The following SDK1 variants were observed in gnomAD, a reference collection of about 807,000 sequenced individuals.
SDK1 encodes the protein protein sidekick-1.
SDK1 carries 157 observed loss-of-function variants against 245.5 expected under a neutral mutation model. The observed-to-expected ratio is 0.64, with a 90% CI of 0.56 to 0.73. SDK1 has a LOEUF of 0.73. SDK1 is among the 30% of genes least tolerant of loss of function. The pLI, the probability that SDK1 is intolerant of heterozygous loss-of-function variation, is 0.00. For missense variants in SDK1, 3,583 were observed against 3,002.3 expected (o/e 1.19, Z -4.52); for synonymous variants, 1,647 against 1,278.5 (o/e 1.29, Z -6.15).
chr7:3,501,641 C>A (rs28544580), intron 1 of SDK1, among the ~76,000 whole-genome samples: 46,258 of 151,978 alleles, frequency 0.3, 7,645 homozygotes, highest in South Asian at 0.43. Flanking sequence ...TTCATTTGAT[C>A]CACTGTGTGT....
At chr7:3,987,724 A>C (rs1384964494) in intron 14 of SDK1, among the ~76,000 whole-genome samples, 2 of 151,620 alleles carry the variant, frequency 1.3e-5, no homozygotes, top group South Asian at 4.2e-4. Context: ...CGTGGTGTCA[A>C]GTGTTCAGCA....
chr7:4,037,992 T>C (rs1393962175), intron 17 of SDK1, among the ~76,000 whole-genome samples: 3 of 152,366 alleles, frequency 2.0e-5, no homozygotes, highest in African/African-American at 7.2e-5. Flanking sequence ...GATACTGTAG[T>C]GCTGCCACCC....
intron 35 of SDK1, among the ~76,000 whole-genome samples, chr7:4,188,653 T>G (rs965518096): frequency 2.0e-5 from 3 of 152,030 alleles, no homozygotes; most frequent in Non-Finnish European, 4.4e-5. Context: ...TTTCATGGTT[T>G]TATGTTTTCC....
At chr7:3,533,619 C>A (rs942650250) in intron 1 of SDK1, among the ~76,000 whole-genome samples, 7 of 152,112 alleles carry the variant, frequency 4.6e-5, no homozygotes, top group African/African-American at 1.4e-4. Flanking sequence ...TTTAGAAATT[C>A]ATGTTCTGAG....
At position 4,204,935 on chromosome 7, in the gene SDK1, G is replaced by A. The variant is rs138630108; in HGVS notation, c.5099-944G>A. 3.0e-3 allele frequency among the ~76,000 whole-genome samples: 252 copies of A among 83,668 alleles called. 1 individual carries two copies. Among genetic ancestry groups the A allele is most frequent in the African/African-American group, 0.016 (242 of 14,696 alleles). 54.9% of individuals were successfully genotyped at this position (83,668 alleles called of 152,430 possible). A position where few individuals can be genotyped will look rare whatever the true frequency, so the allele number is the denominator to read the frequency against. ...GAGGCGTTCTGGAACGCAGGCGTGT[G>A]CTCCCAACTGCCTAAATGGCTGTGT... is the stretch of plus-strand genomic sequence containing the variant. On this transcript the variant is annotated intron_variant, in intron 35 of 44. Transcript: ENST00000404826.
chr7:4,065,968 A>AT (rs1452942980), intron 19 of SDK1, among the ~76,000 whole-genome samples: 1 of 151,982 alleles, frequency 6.6e-6, no homozygotes, highest in East Asian at 1.9e-4. Flanking sequence ...AAAGACTTGC[A>AT]TTTTTTATTA....
At chr7:3,907,883 G>T (rs981253794) in intron 5 of SDK1, among the ~76,000 whole-genome samples, 4 of 152,140 alleles carry the variant, frequency 2.6e-5, no homozygotes, top group African/African-American at 9.7e-5. Context: ...GAGTTTCAGT[G>T]GAACTAGAAT....
At chr7:4,024,164 A>G (rs1303777037) in intron 17 of SDK1, among the ~76,000 whole-genome samples, 3 of 152,248 alleles carry the variant, frequency 2.0e-5, no homozygotes, top group East Asian at 3.8e-4. Flanking sequence ...AAAGAGAAAT[A>G]TTTCATATTT....
intron 25 of SDK1, among the ~76,000 whole-genome samples, chr7:4,122,202 C>A (rs1447488862): frequency 1.3e-5 from 2 of 152,214 alleles, no homozygotes; most frequent in Non-Finnish European, 2.9e-5. Flanking sequence ...CTCCCCACCT[C>A]TGACTGGCAA....
At chr7:4,178,717 T>C in intron 35 of SDK1, 131 bp downstream of exon 35, 1 of 655,246 alleles carries the variant, frequency 1.5e-6, no homozygotes, top group Non-Finnish European at 2.7e-6. Context: ...CTGTCGGGGC[T>C]GAGGTCTCCA....
At chr7:3,481,587 A>C (rs1038697736) in intron 1 of SDK1, among the ~76,000 whole-genome samples, 2 of 152,144 alleles carry the variant, frequency 1.3e-5, no homozygotes, top group Non-Finnish European at 2.9e-5. Flanking sequence ...CTGACCCTTG[A>C]ACCACCCTTC....
At chr7:3,939,129 C>G (rs978354798) in intron 5 of SDK1, among the ~76,000 whole-genome samples, 2 of 152,144 alleles carry the variant, frequency 1.3e-5, no homozygotes, top group Non-Finnish European at 2.9e-5. Flanking sequence ...GGGCAGGAAA[C>G]GAGAAGAACC....
At chr7:3,546,147 G>A (rs1779218668) in intron 1 of SDK1, among the ~76,000 whole-genome samples, 1 of 152,328 alleles carries the variant, frequency 6.6e-6, no homozygotes, top group East Asian at 1.9e-4. Flanking sequence ...CCCAGAGTGT[G>A]CATTTCAGGT....
intron 44 of SDK1, among the ~76,000 whole-genome samples, chr7:4,248,451 G>GCA (rs35934805): frequency 0.22 from 32,775 of 149,806 alleles, 3,849 homozygotes; most frequent in Non-Finnish European, 0.26. Flanking sequence ...CTGAATACAT[G>GCA]CACACATGCA....
At chr7:3,534,798 T>C (rs1479113511) in intron 1 of SDK1, among the ~76,000 whole-genome samples, 2 of 152,216 alleles carry the variant, frequency 1.3e-5, no homozygotes, top group Non-Finnish European at 2.9e-5. Flanking sequence ...CAGAAAAATC[T>C]GTGAAATCAA....
In SDK1 at chr7:3,746,194, A is replaced by G. The variant is rs79308702; in HGVS notation, c.714-75256A>G. On this transcript the variant is annotated intron_variant, in intron 4 of 44. Transcript: ENST00000404826. ...CATATAAAAGTTATGTTTATACTAT[A>G]GTTTATTAAGTGTGCAATAGCATTA... Among the ~76,000 whole-genome samples, 1,427 of 152,364 alleles carry G rather than the reference A, an allele frequency of 9.4e-3. 31 individuals carry two copies. Among genetic ancestry groups the G allele is most frequent in the African/African-American group, 0.032 (1,326 of 41,580 alleles).
chr7:3,555,326 T>A (rs1311623411), intron 1 of SDK1, among the ~76,000 whole-genome samples: 1 of 152,104 alleles, frequency 6.6e-6, no homozygotes, highest in Non-Finnish European at 1.5e-5. Flanking sequence ...GAATATACAT[T>A]GGGGAAAGGA....
At chr7:3,555,529 T>C (rs1779561192) in intron 1 of SDK1, among the ~76,000 whole-genome samples, 1 of 152,104 alleles carries the variant, frequency 6.6e-6, no homozygotes, top group South Asian at 2.1e-4. Flanking sequence ...ATTTCTTGAG[T>C]AATACTCTAC....
intron 5 of SDK1, among the ~76,000 whole-genome samples, chr7:3,902,710 A>G (rs967815334): frequency 2.8e-4 from 43 of 152,246 alleles, no homozygotes; most frequent in Middle Eastern, 3.2e-3. Flanking sequence ...GAGAAGCCTC[A>G]TCGCCTTCCC....
Sources: gnomAD v4.1 joint callset for allele counts (sites outside exome capture counted in the v4.1 genomes callset) on GRCh38, gnomAD v4.1.1 for gene constraint, MANE v1.5 for transcripts, NCBI Gene and HGNC (gene_info 2026-07-23, HGNC 2026-07-21) for gene names.